FRS2: variants seen among roughly 807,000 people sequenced by gnomAD.
The protein encoded by FRS2 is FGFR signalling adaptor.
A neutral mutation model predicts 43.9 loss-of-function variants in FRS2; 8 were observed. That is an observed-to-expected ratio of 0.18 (90% CI 0.11 to 0.33). The LOEUF is 0.33. Among genes scored for constraint, FRS2 ranks in the 10% least tolerant of loss-of-function variants. The pLI, the probability that FRS2 is intolerant of heterozygous loss-of-function variation, is 1.00. For missense variants in FRS2, 534 were observed against 627.6 expected, an observed-to-expected ratio of 0.85 and a Z score of 1.59; for synonymous variants, 219 against 220.3, an observed-to-expected ratio of 0.99 and a Z score of 0.05.
At chr12:69,524,125 A>G (rs1875963735) in intron 1 of FRS2, among the ~76,000 whole-genome samples, 1 of 152,164 alleles carries the variant, frequency 6.6e-6, no homozygotes, top group Non-Finnish European at 1.5e-5. Context: ...TCATGGGGGC[A>G]GTCTGCTGTT....
intron 3 of FRS2, among the ~76,000 whole-genome samples, chr12:69,534,766 GT>G (rs1213446370): frequency 6.6e-6 from 1 of 152,144 alleles, no homozygotes; most frequent in Non-Finnish European, 1.5e-5. Flanking sequence ...AAAGCATTTT[GT>G]TTTCATGTAA....
chr12:69,480,890 C>G (rs1385294334), intron 1 of FRS2, among the ~76,000 whole-genome samples: 32 of 152,224 alleles, frequency 2.1e-4, no homozygotes, highest in Non-Finnish European at 1.5e-5. Context: ...GCCACGCCTT[C>G]TTGTCTTGTA....
intron 1 of FRS2, among the ~76,000 whole-genome samples, chr12:69,496,741 G>A (rs1466097690): frequency 6.6e-6 from 1 of 152,192 alleles, no homozygotes; most frequent in Non-Finnish European, 1.5e-5. Context: ...GGTTAGAGAA[G>A]ATATTAGTTA....
intron 1 of FRS2, among the ~76,000 whole-genome samples, chr12:69,526,071 G>C (rs888526620): frequency 3.9e-5 from 6 of 152,002 alleles, no homozygotes; most frequent in Non-Finnish European, 7.4e-5. Flanking sequence ...TTTATCAGCT[G>C]GTCTTCAACT....
chr12:69,556,747 G>T lies in FRS2; in HGVS notation c.-121-5433G>T, dbSNP rs568282160. 1.3e-4 allele frequency among the ~76,000 whole-genome samples: 20 copies of T among 152,270 alleles called. No homozygotes were observed. In the South Asian group the frequency reaches 3.7e-3, roughly 28 times the overall value. ...TTTTAGTGTTTTATTGATGTTTATGGTTTGAATAATATTAGTTCGTGTATT... is the reference window on the plus strand; with the variant it reads ...TTTTAGTGTTTTATTGATGTTTATGTTTTGAATAATATTAGTTCGTGTATT... On this transcript the variant is annotated intron_variant, in intron 3 of 8. Transcript: ENST00000549921.
intron 1 of FRS2, among the ~76,000 whole-genome samples, chr12:69,485,137 T>G (rs890082430): frequency 2.1e-5 from 1 of 48,458 alleles, no homozygotes; most frequent in Non-Finnish European, 4.0e-5. Flanking sequence ...ACACACACAC[T>G]CTCACCCCCC....
intron 1 of FRS2, chr12:69,480,172 G>A (rs1443685974): frequency 2.6e-5 from 4 of 151,958 alleles, no homozygotes; most frequent in Non-Finnish European, 5.9e-5. Flanking sequence ...TGTACAGTTC[G>A]GTGGCATTAA....
intron 4 of FRS2, among the ~76,000 whole-genome samples, chr12:69,568,352 A>G (rs1880465237): frequency 1.3e-5 from 2 of 152,188 alleles, no homozygotes; most frequent in South Asian, 4.1e-4. Flanking sequence ...ACAACAGTCA[A>G]AATACCTGCC....
intron 1 of FRS2, among the ~76,000 whole-genome samples, chr12:69,519,407 A>G (rs542517737): frequency 1.4e-4 from 22 of 152,232 alleles, no homozygotes; most frequent in Non-Finnish European, 2.5e-4. Flanking sequence ...CTCACTCTGG[A>G]AGTTTCATTT....
chr12:69,491,136 C>A lies in FRS2; in HGVS notation c.-261+20606C>A, dbSNP rs560749769. ...TGAGACAGGGTCTCTTGCTCTGTCA[C>A]CCTGGCTGGAGTGCAGTGGCGTAAT... On this transcript the variant is annotated intron_variant, in intron 1 of 8. Coordinates refer to ENST00000549921, the MANE Select transcript of FRS2 (RefSeq NM_001278356.2). 7.2e-5 allele frequency among the ~76,000 whole-genome samples: 11 copies of A among 152,268 alleles called. 1 individual carries two copies. The highest frequency in any genetic ancestry group is 2.6e-4 in the African/African-American group (11 of 41,564).
chr12:69,471,486 G>C (rs559702579), intron 1 of FRS2, among the ~76,000 whole-genome samples: 1 of 152,328 alleles, frequency 6.6e-6, no homozygotes, highest in East Asian at 1.9e-4. Flanking sequence ...TCCTTACACT[G>C]TTAAAATTGT....
chr12:69,526,017 A>G (rs923795166), intron 1 of FRS2, among the ~76,000 whole-genome samples: 1 of 151,720 alleles, frequency 6.6e-6, no homozygotes, highest in African/African-American at 2.4e-5. Flanking sequence ...GCACCACCAC[A>G]CCCGGCTAAT....
intron 3 of FRS2, among the ~76,000 whole-genome samples, chr12:69,539,799 CA>C (rs1291851007): frequency 2.6e-5 from 4 of 151,886 alleles, no homozygotes; most frequent in Admixed American, 2.6e-4. Flanking sequence ...ACTAAAAATA[CA>C]AAAAATTAGC....
chr12:69,557,982 A>G, intron 3 of FRS2: 1 of 151,328 alleles, frequency 6.6e-6, no homozygotes, highest in East Asian at 2.0e-4. Context: ...AAATTGTTTT[A>G]TATATATGTG....
At chr12:69,536,578 A>T (rs60378186) in intron 3 of FRS2, among the ~76,000 whole-genome samples, 3,750 of 85,242 alleles carry the variant, frequency 0.044, 87 homozygotes, top group African/African-American at 0.2. Context: ...TTTTTTTTTT[A>T]ATTTTTTTTT....
At position 69,571,257 on chromosome 12, in the gene FRS2, T is replaced by C; in HGVS notation, c.254-19T>C. The C allele has an allele frequency of 6.4e-7, 1 of 1,553,034 alleles. No homozygotes were observed. The highest frequency in any genetic ancestry group is 1.4e-5 in the African/African-American group (1 of 72,226). On this transcript the variant is annotated intron_variant, in intron 6 of 8. Coordinates refer to ENST00000549921, the MANE Select transcript of FRS2 (RefSeq NM_001278356.2). Reference sequence around the variant, plus strand: ...TAAAGGTATGTTAACTATTTTTCCCTTTTGGTTTATATTTGTAGGAATCTT... The same window carrying C: ...TAAAGGTATGTTAACTATTTTTCCCCTTTGGTTTATATTTGTAGGAATCTT...
rs10605112 is a variant in FRS2 at position 69,541,824 on chromosome 12, CAAAAA to C, written c.-122+9786_-122+9790del. On this transcript the variant is annotated intron_variant, in intron 3 of 8. Coordinates refer to ENST00000549921, the MANE Select transcript of FRS2 (RefSeq NM_001278356.2). The stretch of plus-strand genomic sequence containing the variant: ...TGGGCGACAGGGTGAGACCCTGTCT[CAAAAA>C]AAAAAAAAAAAAAAAAAGTAACACT... Among the ~76,000 whole-genome samples the C allele has an allele frequency of 8.1e-4, 74 of 90,842 alleles. 1 individual carries two copies. The highest frequency in any genetic ancestry group is 2.6e-3 in the African/African-American group (60 of 23,414). 59.6% of individuals were successfully genotyped at this position (90,842 alleles called of 152,430 possible).
At chr12:69,570,911 T>G (rs1216398055) in intron 6 of FRS2, among the ~76,000 whole-genome samples, 1 of 152,222 alleles carries the variant, frequency 6.6e-6, no homozygotes, top group East Asian at 1.9e-4. Context: ...TTAAACAAGA[T>G]AACAATTGGA....
At chr12:69,527,333 T>C (rs1876347553) in intron 1 of FRS2, among the ~76,000 whole-genome samples, 1 of 120,428 alleles carries the variant, frequency 8.3e-6, no homozygotes, top group African/African-American at 3.3e-5. Flanking sequence ...AAGTTTTTTT[T>C]TTTTTAATGA....
Sources: allele counts gnomAD v4.1 joint callset (sites outside exome capture counted in the v4.1 genomes callset), GRCh38; gene constraint gnomAD v4.1.1; transcripts MANE v1.5; gene names NCBI Gene and HGNC (gene_info 2026-07-23, HGNC 2026-07-21).